SPINT1: variants seen among roughly 807,000 people sequenced by gnomAD.
SPINT1 encodes kunitz-type protease inhibitor 1.
SPINT1 carries 38 observed loss-of-function variants against 53.7 expected under a neutral mutation model. That is an observed-to-expected ratio of 0.71 (90% CI 0.55 to 0.93). The LOEUF is 0.93. SPINT1 is among the 40% of genes least tolerant of loss of function. SPINT1 has a pLI of 0.00. For synonymous variants in SPINT1, 283 were observed against 280.6 expected (o/e 1.01, Z -0.08); for missense variants, 645 against 692.9 (o/e 0.93, Z 0.78).
At chr15:40,854,299 T>G in intron 6 of SPINT1, 98 bp from the exon 7 acceptor site, 1 of 1,491,110 alleles carries the variant, frequency 6.7e-7, no homozygotes. Flanking sequence ...GGAAAGGGAA[T>G]GGGGGATGTG....
intron 2 of SPINT1, among the ~76,000 whole-genome samples, chr15:40,847,805 A>G (rs1596145546): frequency 6.6e-6 from 1 of 151,642 alleles, no homozygotes; most frequent in Non-Finnish European, 1.5e-5. Context: ...CTGATGCATC[A>G]CTCTGCATGC....
intron 2 of SPINT1, among the ~76,000 whole-genome samples, chr15:40,851,397 C>T (rs1046119340): frequency 1.3e-5 from 2 of 152,098 alleles, no homozygotes; most frequent in Non-Finnish European, 2.9e-5. Context: ...TGTGTCTGCC[C>T]GCCTTGGCCG....
intron 2 of SPINT1, among the ~76,000 whole-genome samples, chr15:40,852,282 T>C (rs1017876234): frequency 6.6e-6 from 1 of 152,252 alleles, no homozygotes; most frequent in Non-Finnish European, 1.5e-5. Context: ...TACTTTGTCG[T>C]TGGATTTGGG....
intron 8 of SPINT1, 44 bp from the exon 9 acceptor site, chr15:40,855,848 G>T: frequency 6.3e-7 from 1 of 1,576,250 alleles, no homozygotes; most frequent in South Asian, 1.1e-5. Context: ...AGGTGGCAGG[G>T]AGGCCATGGA....
chr15:40,851,026 A>G (rs1891438571), intron 2 of SPINT1, among the ~76,000 whole-genome samples: 1 of 151,230 alleles, frequency 6.6e-6, no homozygotes, highest in African/African-American at 2.4e-5. Context: ...TTTGAATGTT[A>G]CTCCTGCTGT....
At chr15:40,852,319 G>A (rs1255003240) in intron 2 of SPINT1, among the ~76,000 whole-genome samples, 2 of 152,164 alleles carry the variant, frequency 1.3e-5, no homozygotes, top group Admixed American at 6.5e-5. Flanking sequence ...CAGGATGATC[G>A]CATCTGGAGA....
At chr15:40,853,295 C>T in intron 3 of SPINT1, 44 bp downstream of exon 3, 1 of 1,612,532 alleles carries the variant, frequency 6.2e-7, no homozygotes, top group Non-Finnish European at 8.5e-7. Context: ...TGCCTGCCAG[C>T]CTTCTTGGAG....
chr15:40,856,450 C>A, intron 10 of SPINT1, 127 bp downstream of exon 10: 1 of 1,227,840 alleles, frequency 8.1e-7, no homozygotes, highest in Non-Finnish European at 1.2e-6. Context: ...AGACAGAGTA[C>A]CGTAATCAAA....
chr15:40,853,109 TTCTC>T lies in SPINT1; in HGVS notation c.476-12_476-9del. On this transcript the variant is annotated splice_polypyrimidine_tract_variant and intron_variant, in intron 2 of 10. Transcript: ENST00000562057. The stretch of plus-strand genomic sequence containing the variant: ...TAGTGAGAATTGACCTTATCTCACT[TTCTC>T]TCCCCGCCAGGGTCTGGGATCCCCA... 6.2e-7 allele frequency: 1 copy of T among 1,612,230 alleles called. No individual in the cohort carries two copies. Among genetic ancestry groups the T allele is most frequent in the South Asian group, 1.1e-5 (1 of 90,960 alleles).
rs560119858 is a variant in SPINT1, at chr15:40,844,196, G to A, written c.-66+10G>A. On this transcript the variant is annotated intron_variant, in intron 1 of 10. Transcript: ENST00000562057. The surrounding 1 kb of genome is among the most constrained non-coding windows in gnomAD (Gnocchi z 5.8). ...CAACTCACCTGCGCAGGTAACCCGGGCCCCCGCGCGCAAGGCCGAGGCGCA... is the reference window on the plus strand; with the variant it reads ...CAACTCACCTGCGCAGGTAACCCGGACCCCCGCGCGCAAGGCCGAGGCGCA... 7 of 403,118 alleles carry A rather than the reference G, an allele frequency of 1.7e-5. No individual in the cohort carries two copies. Among genetic ancestry groups the A allele is most frequent in the Admixed American group, 7.2e-5 (2 of 27,786 alleles). The allele number at this position is 403,118 out of a possible 1,614,324, so 25.0% of individuals were successfully genotyped here.
chr15:40,848,065 C>T (rs1891348438), intron 2 of SPINT1, among the ~76,000 whole-genome samples: 2 of 152,152 alleles, frequency 1.3e-5, no homozygotes, highest in Admixed American at 6.5e-5. Context: ...CCCTGGAACC[C>T]AGTTCTCTTT....
chr15:40,852,441 G>A (rs1359798052), intron 2 of SPINT1, among the ~76,000 whole-genome samples: 1 of 152,144 alleles, frequency 6.6e-6, no homozygotes, highest in Admixed American at 6.5e-5. Flanking sequence ...CCTACAGGCA[G>A]CGATCCTGCA....
intron 2 of SPINT1, among the ~76,000 whole-genome samples, chr15:40,848,631 T>G (rs1378250214): frequency 6.6e-6 from 1 of 152,194 alleles, no homozygotes; most frequent in African/African-American, 2.4e-5. Context: ...ATCAGGAAAC[T>G]GGTAGGGACT....
intron 2 of SPINT1, among the ~76,000 whole-genome samples, chr15:40,850,647 C>G (rs1346215173): frequency 2.0e-5 from 3 of 152,228 alleles, no homozygotes; most frequent in African/African-American, 7.2e-5. Context: ...CTTTTCCTTC[C>G]CAGTTCCCAG....
intron 10 of SPINT1, 100 bp downstream of exon 10, chr15:40,856,423 G>A: frequency 1.4e-6 from 2 of 1,445,938 alleles, no homozygotes; most frequent in South Asian, 2.3e-5. Context: ...TGAGAAGGAT[G>A]CCAAGGTGGC....
chr15:40,856,063 G>A lies in SPINT1; in HGVS notation c.1288+1G>A. On this transcript the variant is annotated splice_donor_variant, in intron 9 of 10. Coordinates refer to ENST00000562057, the MANE Select transcript of SPINT1 (RefSeq NM_003710.4). LOFTEE classifies it high-confidence loss of function. ...CTCGAGTCTTGTCGCGGCATCTCCA[G>A]TGAGTGGGCCAGTGAGAGGGTGGGC... 1.2e-6 allele frequency: 2 copies of A among 1,613,932 alleles called. No individual in the cohort carries two copies. Among genetic ancestry groups the A allele is most frequent in the Non-Finnish European group, 1.7e-6 (2 of 1,179,916 alleles).
chr15:40,856,092 T>C lies in SPINT1; in HGVS notation c.1288+30T>C, dbSNP rs770376036. 5 of 1,612,148 alleles carry C rather than the reference T, an allele frequency of 3.1e-6. No individual in the cohort carries two copies. In the African/African-American group the frequency reaches 5.3e-5, roughly 17 times the overall value. Reference sequence around the variant, plus strand: ...GTGGGCCAGTGAGAGGGTGGGCATGTATGGGGGAAGGCTTAGCCAGTGGCC... The same window carrying C: ...GTGGGCCAGTGAGAGGGTGGGCATGCATGGGGGAAGGCTTAGCCAGTGGCC... On this transcript the variant is annotated intron_variant, in intron 9 of 10. Transcript: ENST00000562057.
chr15:40,845,169 C>T (rs1439913696), intron 2 of SPINT1, 140 bp downstream of exon 2: 3 of 719,378 alleles, frequency 4.2e-6, no homozygotes, highest in Non-Finnish European at 4.3e-6. Context: ...TTTTTTGCGA[C>T]GGAGTCTCGC....
At chr15:40,846,022 G>T (rs890155903) in intron 2 of SPINT1, among the ~76,000 whole-genome samples, 2 of 152,210 alleles carry the variant, frequency 1.3e-5, no homozygotes, top group Admixed American at 6.5e-5. Flanking sequence ...GCTCTGGGGT[G>T]GGGGATGAGG....
Sources: gnomAD v4.1 joint callset for allele counts (sites outside exome capture counted in the v4.1 genomes callset) on GRCh38, gnomAD v4.1.1 for gene constraint, Gnocchi (gnomAD v3.1) non-coding constraint, MANE v1.5 for transcripts, NCBI Gene and HGNC (gene_info 2026-07-23, HGNC 2026-07-21) for gene names.